Variants in OCIAD1 observed in about 807,000 individuals in gnomAD.
OCIAD1 encodes OCIA domain-containing protein 1.
Under a neutral mutation model 38.9 loss-of-function variants are expected in OCIAD1, and 29 were observed. The observed-to-expected ratio is 0.74, with a 90% CI of 0.55 to 1.02. The LOEUF is 1.02. Among genes scored for constraint, OCIAD1 ranks in the 50% least tolerant of loss-of-function variants. The pLI is 0.00. For missense variants in OCIAD1, 288 were observed against 289.6 expected, an observed-to-expected ratio of 0.99 and a Z score of 0.04; for synonymous variants, 110 against 92.0, an observed-to-expected ratio of 1.20 and a Z score of -1.12.
chr4:48,821,644 C>A (rs940346537), intron 1 of OCIAD1, among the ~76,000 whole-genome samples: 11 of 152,114 alleles, frequency 7.2e-5, no homozygotes, highest in Admixed American at 6.5e-4. Flanking sequence ...ATTTAGAAAA[C>A]CACATTGTCT....
At chr4:48,859,605 A>C (rs1396780506) in intron 8 of OCIAD1, among the ~76,000 whole-genome samples, 1 of 152,160 alleles carries the variant, frequency 6.6e-6, no homozygotes, top group African/African-American at 2.4e-5. Context: ...GTTACATGAC[A>C]CAAGAATGTG....
At chr4:48,828,704 C>T (rs1451705592), upstream of OCIAD1, among the ~76,000 whole-genome samples, 1 of 152,178 alleles carries the variant, frequency 6.6e-6, no homozygotes, top group Non-Finnish European at 1.5e-5. Flanking sequence ...AGCTTCACTC[C>T]TGAAGCCAGC....
intron 1 of OCIAD1, among the ~76,000 whole-genome samples, chr4:48,817,610 C>G (rs972472579): frequency 6.6e-6 from 1 of 152,214 alleles, no homozygotes; most frequent in African/African-American, 2.4e-5. Context: ...GGGCTGAAGC[C>G]AGGAAGCCAA....
intron 1 of OCIAD1, among the ~76,000 whole-genome samples, chr4:48,821,020 A>T (rs997155278): frequency 2.6e-5 from 4 of 152,230 alleles, no homozygotes; most frequent in African/African-American, 9.6e-5. Flanking sequence ...AAACAATAGA[A>T]AAAGAAGGAC....
At chr4:48,813,843 A>G (rs1224004091) in intron 1 of OCIAD1, among the ~76,000 whole-genome samples, 2 of 152,222 alleles carry the variant, frequency 1.3e-5, no homozygotes, top group Non-Finnish European at 2.9e-5. Context: ...CTCGTGAATA[A>G]CTATTTAAAT....
Position 48,860,954 on chromosome 4 carries a change from A to T in OCIAD1, c.*192A>T. On this transcript the variant is annotated 3_prime_UTR_variant, in exon 9 of 9. Coordinates refer to ENST00000264312, the MANE Select transcript of OCIAD1 (RefSeq NM_017830.4). ...TTTAGTGTTAATATTGTGTAAATGT[A>T]CTCACCTTAGGGATTCATTTGAATG... 1 of 583,774 alleles carries T rather than the reference A, an allele frequency of 1.7e-6. No homozygotes were observed. The highest frequency in any genetic ancestry group is 2.9e-5 in the East Asian group (1 of 34,118). The allele number at this position is 583,774 out of a possible 1,614,324, so 36.2% of individuals were successfully genotyped here.
intron 1 of OCIAD1, among the ~76,000 whole-genome samples, chr4:48,821,542 C>A (rs922761900): frequency 6.6e-6 from 1 of 152,188 alleles, no homozygotes; most frequent in Admixed American, 6.5e-5. Context: ...GAAGTTCTGG[C>A]CAGGGCAATC....
chr4:48,812,939 G>A (rs771044776), intron 1 of OCIAD1, among the ~76,000 whole-genome samples: 4 of 152,150 alleles, frequency 2.6e-5, no homozygotes, highest in Non-Finnish European at 4.4e-5. Flanking sequence ...ACCTTGAGTA[G>A]GTGAATACCT....
chr4:48,823,335 A>T (rs1387843592), intron 1 of OCIAD1, among the ~76,000 whole-genome samples: 1 of 152,106 alleles, frequency 6.6e-6, no homozygotes, highest in East Asian at 1.9e-4. Context: ...GTGGGAGCTG[A>T]ACAGCGAGAA....
intron 8 of OCIAD1, among the ~76,000 whole-genome samples, chr4:48,858,440 G>T (rs1780295793): frequency 6.6e-6 from 1 of 151,938 alleles, no homozygotes; most frequent in African/African-American, 2.4e-5. Flanking sequence ...TTTTTCTCGT[G>T]TTTTTTTGTT....
intron 7 of OCIAD1, 200 bp downstream of exon 7, chr4:48,852,175 C>T (rs1382523506): frequency 1.6e-5 from 7 of 450,866 alleles, no homozygotes; most frequent in Admixed American, 4.0e-5. Context: ...CTCTGCTAGA[C>T]GTGGAAGAAG....
chr4:48,840,741 A>G (rs1242269912), intron 3 of OCIAD1, among the ~76,000 whole-genome samples: 3 of 152,076 alleles, frequency 2.0e-5, no homozygotes, highest in African/African-American at 7.2e-5. Context: ...TCACGCCTGT[A>G]ATCCCAGCAC....
chr4:48,855,935 T>A (rs1185676706), intron 7 of OCIAD1: 2 of 152,182 alleles, frequency 1.3e-5, no homozygotes, highest in South Asian at 2.1e-4. Flanking sequence ...ATCACAAAAA[T>A]TATTTTTTAA....
intron 5 of OCIAD1, 32 bp downstream of exon 5, chr4:48,848,478 C>T: frequency 9.5e-7 from 1 of 1,051,882 alleles, no homozygotes; most frequent in Non-Finnish European, 1.4e-6. Flanking sequence ...GTTTTCATAG[C>T]TTTTTAAAAC....
chr4:48,823,314 C>T (rs1777212935), intron 1 of OCIAD1, among the ~76,000 whole-genome samples: 1 of 151,978 alleles, frequency 6.6e-6, no homozygotes, highest in Non-Finnish European at 1.5e-5. Context: ...ACCGCATGTT[C>T]TCACTTATAA....
intron 4 of OCIAD1, 122 bp from the exon 5 acceptor site, chr4:48,848,277 A>T: frequency 4.3e-6 from 2 of 469,922 alleles, no homozygotes; most frequent in South Asian, 9.1e-5. Context: ...CCTATTAAAC[A>T]GTCTAGGGTT....
chr4:48,860,647 A>T, intron 8 of OCIAD1, 78 bp from the exon 9 acceptor site: 2 of 1,078,938 alleles, frequency 1.9e-6, no homozygotes, highest in Non-Finnish European at 2.8e-6. Flanking sequence ...ATAACTTTTC[A>T]TCATAGCAAC....
Position 48,844,284 on chromosome 4 carries a change from G to T in OCIAD1, c.193+1595G>T, listed in dbSNP as rs75062345. On this transcript the variant is annotated intron_variant, in intron 4 of 8. Transcript: ENST00000264312. ...CAGGAGAAATTATAATTTGGATTAG[G>T]TTATGAAGAGGAGGAAGTTTTTTAG... Among the ~76,000 whole-genome samples, 692 of 152,178 alleles carry T rather than the reference G, an allele frequency of 4.5e-3. 3 individuals are homozygous for T. The highest frequency in any genetic ancestry group is 0.017 in the Middle Eastern group (5 of 294).
chr4:48,852,889 T>TTTTG (rs1779649843), intron 7 of OCIAD1, among the ~76,000 whole-genome samples: 1 of 42,350 alleles, frequency 2.4e-5, no homozygotes, highest in African/African-American at 1.0e-4. Flanking sequence ...TTTGTTTTTT[T>TTTTG]TTTTTTTTTT....
Sources: gnomAD v4.1 joint callset for allele counts (sites outside exome capture counted in the v4.1 genomes callset) on GRCh38, gnomAD v4.1.1 for gene constraint, MANE v1.5 for transcripts, NCBI Gene and HGNC (gene_info 2026-07-23, HGNC 2026-07-21) for gene names.